Variants in ANKRD55 observed in about 807,000 individuals in gnomAD.
ANKRD55 encodes ankyrin repeat domain 55.
ANKRD55 carries 41 observed loss-of-function variants against 60.6 expected under a neutral mutation model. That is an observed-to-expected ratio of 0.68 (90% CI 0.53 to 0.88). The LOEUF (loss-of-function observed/expected upper bound fraction) is 0.88, where lower values mean the gene tolerates loss of function less well. Among genes scored for constraint, ANKRD55 ranks in the 40% least tolerant of loss-of-function variants. ANKRD55 has a pLI of 0.00. For missense variants in ANKRD55, 732 were observed against 767.6 expected (o/e 0.95, Z 0.55); for synonymous variants, 264 against 290.3 (o/e 0.91, Z 0.92).
intron 3 of ANKRD55, among the ~76,000 whole-genome samples, chr5:56,177,203 A>T (rs79528358): frequency 0.034 from 5,200 of 152,248 alleles, 306 homozygotes; most frequent in African/African-American, 0.12. Flanking sequence ...TTTGCAGTGC[A>T]GTCCCTAGGA....
At chr5:56,114,758 G>A (rs318802) in intron 9 of ANKRD55, among the ~76,000 whole-genome samples, 59,710 of 152,094 alleles carry the variant, frequency 0.39, 12,047 homozygotes, top group Middle Eastern at 0.52. Context: ...TTAAGAAACT[G>A]CTGCTTGTTA....
At chr5:56,182,402 T>C (rs1758869222) in intron 3 of ANKRD55, among the ~76,000 whole-genome samples, 1 of 152,250 alleles carries the variant, frequency 6.6e-6, no homozygotes, top group Non-Finnish European at 1.5e-5. Context: ...ATTGTGATGA[T>C]TGTATTTTTG....
intron 7 of ANKRD55, among the ~76,000 whole-genome samples, chr5:56,131,034 AAGG>A (rs1469923768): frequency 6.6e-6 from 1 of 152,210 alleles, no homozygotes; most frequent in Non-Finnish European, 1.5e-5. Flanking sequence ...GGAATACCAG[AAGG>A]AGAAGAGAAA....
In ANKRD55 at chr5:56,187,153, T is replaced by C. The variant is rs192649043; in HGVS notation, c.59-3519A>G. 1.5e-3 allele frequency among the ~76,000 whole-genome samples: 229 copies of C among 152,104 alleles called. 1 individual carries two copies. The highest frequency in any genetic ancestry group is 1.7e-3 in the Non-Finnish European group (116 of 68,000). On this transcript the variant is annotated intron_variant, in intron 2 of 11. Transcript: ENST00000341048. ...AGATAGTATTTAATAGAGCTAAAGG[T>C]AGAGTAACATATTGAAAGACAGGAC...
rs569845772 is a variant in ANKRD55 at position 56,173,606 on chromosome 5, A to G, written c.312+2546T>C. On this transcript the variant is annotated intron_variant, in intron 4 of 11. Transcript: ENST00000341048. ...TCTATATATATATATATATATATAT[A>G]TCTTGGCTCACCACAACTTCCGCCT... Among the ~76,000 whole-genome samples, 24 of 128,536 alleles carry G rather than the reference A, an allele frequency of 1.9e-4. No individual in the cohort carries two copies. The East Asian group carries it at 5.3e-3, about 28-fold the overall frequency. 84.3% of individuals were successfully genotyped at this position (128,536 alleles called of 152,430 possible).
chr5:56,126,634 G>A (rs914520312), intron 8 of ANKRD55, among the ~76,000 whole-genome samples: 4 of 151,888 alleles, frequency 2.6e-5, no homozygotes, highest in African/African-American at 9.7e-5. Context: ...GAACAAAGAG[G>A]GCACATAGCA....
At chr5:56,207,560 A>G (rs1221637367) in intron 2 of ANKRD55, among the ~76,000 whole-genome samples, 1 of 152,218 alleles carries the variant, frequency 6.6e-6, no homozygotes, top group Non-Finnish European at 1.5e-5. Flanking sequence ...TACATGGTAC[A>G]GACTATTACT....
At chr5:56,140,456 G>C (rs1458685967) in intron 7 of ANKRD55, among the ~76,000 whole-genome samples, 1 of 152,140 alleles carries the variant, frequency 6.6e-6, no homozygotes, top group Non-Finnish European at 1.5e-5. Flanking sequence ...TCCTTCCTCA[G>C]AAAAATGAAT....
intron 2 of ANKRD55, among the ~76,000 whole-genome samples, chr5:56,196,813 A>C (rs1365974384): frequency 6.6e-6 from 1 of 152,206 alleles, no homozygotes; most frequent in East Asian, 1.9e-4. Flanking sequence ...TTCTAACTTA[A>C]GCATGGGGCC....
rs749517806 is a variant in ANKRD55, at chr5:56,170,677, TA to T, written c.422+16del. 5.0e-6 allele frequency: 8 copies of T among 1,610,200 alleles called. No individual in the cohort carries two copies. The highest frequency in any genetic ancestry group is 6.8e-6 in the Non-Finnish European group (8 of 1,176,540). On this transcript the variant is annotated intron_variant, in intron 5 of 11. Transcript: ENST00000341048. The stretch of plus-strand genomic sequence containing the variant: ...AGTCACTCCCAACTTGAGCATCATG[TA>T]AACCTGGCCACTTACCTCATATCGG...
chr5:56,139,960 T>C (rs749295668), intron 7 of ANKRD55, among the ~76,000 whole-genome samples: 1 of 152,156 alleles, frequency 6.6e-6, no homozygotes. Context: ...TCCCAGCTAC[T>C]AGGGAGGCCG....
At chr5:56,180,276 C>T (rs923615650) in intron 3 of ANKRD55, among the ~76,000 whole-genome samples, 2 of 152,192 alleles carry the variant, frequency 1.3e-5, no homozygotes, top group African/African-American at 4.8e-5. Context: ...GGACCAGGTT[C>T]CCAACACATG....
At chr5:56,200,854 G>C (rs1399678427) in intron 2 of ANKRD55, among the ~76,000 whole-genome samples, 1 of 152,050 alleles carries the variant, frequency 6.6e-6, no homozygotes, top group Non-Finnish European at 1.5e-5. Context: ...ACACATCCTA[G>C]GGTCACCAAT....
intron 2 of ANKRD55, among the ~76,000 whole-genome samples, chr5:56,219,012 C>T (rs1175692012): frequency 6.6e-6 from 1 of 152,072 alleles, no homozygotes; most frequent in Non-Finnish European, 1.5e-5. Flanking sequence ...GTGACTCACA[C>T]CTGTAATCCC....
chr5:56,118,172 CAAAAGGTAT>C (rs1420698874), intron 8 of ANKRD55, among the ~76,000 whole-genome samples: 7 of 151,712 alleles, frequency 4.6e-5, no homozygotes, highest in Non-Finnish European at 7.4e-5. Context: ...CTTCATTGGC[CAAAAGGTAT>C]AAAAATATTC....
chr5:56,233,108 C>T (rs146611045), intron 1 of ANKRD55, 133 bp downstream of exon 1: 95 of 604,920 alleles, frequency 1.6e-4, no homozygotes, highest in African/African-American at 1.2e-3. Flanking sequence ...CCTGTAAATA[C>T]CTGCTAGGAA....
chr5:56,182,702 T>A (rs917193402), intron 3 of ANKRD55, among the ~76,000 whole-genome samples: 1 of 152,186 alleles, frequency 6.6e-6, no homozygotes, highest in African/African-American at 2.4e-5. Flanking sequence ...TTAAACCTTT[T>A]ATTTTAGCTG....
chr5:56,146,809 T>A (rs1360012394), intron 6 of ANKRD55: 1 of 152,186 alleles, frequency 6.6e-6, no homozygotes, highest in African/African-American at 2.4e-5. Context: ...GCTTAACTTC[T>A]GAGGTCAGGT....
At chr5:56,121,528 A>G (rs1298413484) in intron 8 of ANKRD55, among the ~76,000 whole-genome samples, 3 of 152,058 alleles carry the variant, frequency 2.0e-5, no homozygotes, top group Non-Finnish European at 2.9e-5. Flanking sequence ...GCCCGCCACC[A>G]CACCCAGCTA....
Sources: gnomAD v4.1 joint callset for allele counts (sites outside exome capture counted in the v4.1 genomes callset) on GRCh38, gnomAD v4.1.1 for gene constraint, MANE v1.5 for transcripts, NCBI Gene and HGNC (gene_info 2026-07-23, HGNC 2026-07-21) for gene names.